Variants in PAFAH1B1 observed in about 807,000 individuals in gnomAD.
PAFAH1B1 encodes platelet activating factor acetylhydrolase 1b regulatory subunit 1.
PAFAH1B1 carries 2 observed loss-of-function variants against 57.5 expected under a neutral mutation model. The observed-to-expected ratio is 0.03, with a 90% confidence interval of 0.01 to 0.11. The LOEUF (loss-of-function observed/expected upper bound fraction) is 0.11, where lower values mean the gene tolerates loss of function less well. Ranked by LOEUF, PAFAH1B1 falls within the 10% of genes least tolerant of loss-of-function variation. PAFAH1B1 has a pLI of 1.00. For missense variants in PAFAH1B1, 257 were observed against 512.0 expected (o/e 0.50, Z 4.81); for synonymous variants, 152 against 169.6 (o/e 0.90, Z 0.81).
rs772135892 is a variant in PAFAH1B1, at chr17:2,667,133, A to T, written c.334A>T (p.Thr112Ser). Reference sequence around the variant, plus strand: ...ATTGAGTGGTCACAGGAGTCCAGTCACTCGAGTCATTTTCCATCCTGTGTT... The same window carrying T: ...ATTGAGTGGTCACAGGAGTCCAGTCTCTCGAGTCATTTTCCATCCTGTGTT... ...YALSGHRSPV[T>S]RVIFHPVFSV... The change falls in exon 5 of 11, where the codon ACT (threonine) becomes TCT (serine). Residue 112 changes from threonine to serine, a missense_variant. Transcript: ENST00000397195. 1.2e-6 allele frequency: 2 copies of T among 1,613,722 alleles called. No homozygotes were observed. Among genetic ancestry groups the T allele is most frequent in the Non-Finnish European group, 1.7e-6 (2 of 1,179,784 alleles).
At chr17:2,630,299 G>A (rs904101950) in intron 1 of PAFAH1B1, among the ~76,000 whole-genome samples, 2 of 152,120 alleles carry the variant, frequency 1.3e-5, no homozygotes, top group African/African-American at 2.4e-5. Context: ...TGTAATGGTG[G>A]CTTGGTAATG....
At chr17:2,613,587 C>A in intron 1 of PAFAH1B1, 1 of 282,570 alleles carries the variant, frequency 3.5e-6, no homozygotes. Flanking sequence ...AGCGGGTGCT[C>A]CCCCGTCAGC....
At chr17:2,643,773 C>T (rs998014361) in intron 2 of PAFAH1B1, among the ~76,000 whole-genome samples, 2 of 152,062 alleles carry the variant, frequency 1.3e-5, no homozygotes, top group African/African-American at 2.4e-5. Flanking sequence ...GTTGGCCAGG[C>T]TGGTCTCAAG....
chr17:2,658,662 C>A (rs1257801598), intron 2 of PAFAH1B1, among the ~76,000 whole-genome samples: 1 of 152,122 alleles, frequency 6.6e-6, no homozygotes, highest in Non-Finnish European at 1.5e-5. Context: ...GGTCCACTCA[C>A]CCTGCATTGC....
At chr17:2,662,821 G>A (rs538954279) in intron 2 of PAFAH1B1, among the ~76,000 whole-genome samples, 1 of 152,198 alleles carries the variant, frequency 6.6e-6, no homozygotes, top group South Asian at 2.1e-4. Context: ...CCTTAATAAA[G>A]CTGATGAGGC....
At position 2,680,329 on chromosome 17, in the gene PAFAH1B1, G is replaced by A. The variant is rs759885486; in HGVS notation, c.1159+9G>A. 2.1e-5 allele frequency: 34 copies of A among 1,612,568 alleles called. 1 individual carries two copies. Among genetic ancestry groups the A allele is most frequent in the South Asian group, 1.3e-4 (12 of 91,034 alleles). On this transcript the variant is annotated intron_variant, in intron 10 of 10. Transcript: ENST00000397195. ...CTTTGTTACCTCCTTGGGTATGTACGCCTCGCGAGGTCTCTGAACATTAGA... is the reference window on the plus strand; with the variant it reads ...CTTTGTTACCTCCTTGGGTATGTACACCTCGCGAGGTCTCTGAACATTAGA...
intron 9 of PAFAH1B1, among the ~76,000 whole-genome samples, chr17:2,677,580 C>T (rs1426898321): frequency 6.6e-6 from 1 of 152,188 alleles, no homozygotes; most frequent in African/African-American, 2.4e-5. Context: ...CTCGGCCGGG[C>T]ACGGTGGCTC....
At chr17:2,597,040 G>A (rs1223518683) in intron 1 of PAFAH1B1, among the ~76,000 whole-genome samples, 4 of 152,054 alleles carry the variant, frequency 2.6e-5, no homozygotes, top group African/African-American at 7.2e-5. Flanking sequence ...CAGCCTGGGC[G>A]ACAGAGCAAG....
At chr17:2,634,673 T>TC (rs771261684) in intron 1 of PAFAH1B1, among the ~76,000 whole-genome samples, 7 of 152,130 alleles carry the variant, frequency 4.6e-5, no homozygotes, top group African/African-American at 1.4e-4. Context: ...TTTTTTTTTT[T>TC]CCTAAAATCT....
At chr17:2,654,780 T>G (rs997165961) in intron 2 of PAFAH1B1, among the ~76,000 whole-genome samples, 7 of 152,054 alleles carry the variant, frequency 4.6e-5, no homozygotes, top group Admixed American at 1.3e-4. Flanking sequence ...TTGTTGGGAC[T>G]ACAGGTGTGT....
chr17:2,652,258 A>G (rs1020648070), intron 2 of PAFAH1B1, among the ~76,000 whole-genome samples: 1 of 152,028 alleles, frequency 6.6e-6, no homozygotes, highest in African/African-American at 2.4e-5. Flanking sequence ...AAAATACAAA[A>G]AAAAAAATTG....
At chr17:2,664,859 T>C (rs2069083323) in intron 2 of PAFAH1B1, among the ~76,000 whole-genome samples, 1 of 152,170 alleles carries the variant, frequency 6.6e-6, no homozygotes, top group South Asian at 2.1e-4. Flanking sequence ...ACTAAGTTTA[T>C]ACTGTATGAT....
chr17:2,638,429 C>T, intron 2 of PAFAH1B1, 109 bp downstream of exon 2: 2 of 859,370 alleles, frequency 2.3e-6, no homozygotes, highest in Non-Finnish European at 3.9e-6. Flanking sequence ...ACTATTTTTA[C>T]CAGTGTTCCA....
intron 2 of PAFAH1B1, among the ~76,000 whole-genome samples, chr17:2,644,957 G>A (rs2068747415): frequency 6.6e-6 from 1 of 152,104 alleles, no homozygotes; most frequent in South Asian, 2.1e-4. Flanking sequence ...AATTTAAAAT[G>A]TTCATCAGGC....
intron 1 of PAFAH1B1, among the ~76,000 whole-genome samples, chr17:2,615,566 G>C (rs558271260): frequency 2.0e-5 from 3 of 151,976 alleles, no homozygotes; most frequent in African/African-American, 7.3e-5. Flanking sequence ...TTAGCCTCCC[G>C]AGTAGCTGAG....
In PAFAH1B1 at chr17:2,593,861, TC is replaced by T. The variant is rs2068051560; in HGVS notation, c.-332del. The T allele has an allele frequency of 1.2e-4, 3 of 24,700 alleles. No homozygotes were observed. The highest frequency in any genetic ancestry group is 1.7e-4 in the Non-Finnish European group (2 of 11,518). 1.5% of individuals were successfully genotyped at this position (24,700 alleles called of 1,614,324 possible). ...CCCGCCCGCTCCCCTCCCCTCCCCC[TC>T]CCCGGGCCCGGGCCCAGCGCGCCAT... On this transcript the variant is annotated 5_prime_UTR_variant, in exon 1 of 11. Transcript: ENST00000397195.
intron 2 of PAFAH1B1, chr17:2,639,837 C>T (rs759039375): frequency 5.3e-5 from 8 of 152,024 alleles, no homozygotes; most frequent in Admixed American, 1.3e-4. Context: ...ACTTCGTGAT[C>T]CTCCTGCTTT....
rs994059623 is a variant in PAFAH1B1, at chr17:2,685,283, A to C, written c.*3481A>C. 6.6e-6 allele frequency: 1 copy of C among 152,652 alleles called. No individual in the cohort carries two copies. The highest frequency in any genetic ancestry group is 1.5e-5 in the Non-Finnish European group (1 of 68,052). The allele number at this position is 152,652 out of a possible 1,614,324, so 9.5% of individuals were successfully genotyped here. ...TGCTTGTACTGTCCATCCTTCAGGC[A>C]TCCCTAAAGCTCACTCTGAAGATGT... On this transcript the variant is annotated 3_prime_UTR_variant, in exon 11 of 11. Coordinates refer to ENST00000397195, the MANE Select transcript of PAFAH1B1 (RefSeq NM_000430.4).
intron 2 of PAFAH1B1, among the ~76,000 whole-genome samples, chr17:2,659,276 C>T (rs1385721066): frequency 1.3e-5 from 2 of 151,976 alleles, no homozygotes; most frequent in South Asian, 2.1e-4. Context: ...CAGTGGCCCA[C>T]GCCTGTTATC....
Sources: allele counts gnomAD v4.1 joint callset (sites outside exome capture counted in the v4.1 genomes callset), GRCh38; gene constraint gnomAD v4.1.1; transcripts MANE v1.5; gene names NCBI Gene and HGNC (gene_info 2026-07-23, HGNC 2026-07-21).